WDR47: variants seen among roughly 807,000 people sequenced by gnomAD.
The protein encoded by WDR47 is WD repeat domain 47.
In WDR47, 32 loss-of-function variants were observed where a neutral mutation model predicts 97.2. The ratio of observed to expected loss-of-function variants is 0.33; its 90% confidence interval spans 0.25 to 0.44. The LOEUF (loss-of-function observed/expected upper bound fraction) is 0.44, where lower values mean the gene tolerates loss of function less well. Among genes scored for constraint, WDR47 ranks in the 20% least tolerant of loss-of-function variants. The pLI is 1.00. For missense variants in WDR47, 782 were observed against 1,102.3 expected, an observed-to-expected ratio of 0.71 and a Z score of 4.11; for synonymous variants, 375 against 373.5, an observed-to-expected ratio of 1.00 and a Z score of -0.05.
At chr1:109,011,811 C>T (rs1228177757) in intron 4 of WDR47, 93 bp from the exon 5 acceptor site, 3 of 1,149,996 alleles carry the variant, frequency 2.6e-6, no homozygotes, top group Non-Finnish European at 3.6e-6. Flanking sequence ...AATTATATTG[C>T]CACAGAATAC....
intron 13 of WDR47, among the ~76,000 whole-genome samples, chr1:108,979,044 T>C (rs993294295): frequency 6.6e-6 from 1 of 152,024 alleles, no homozygotes; most frequent in African/African-American, 2.4e-5. Flanking sequence ...TTCCATAAAA[T>C]GTTTGTATGT....
chr1:109,025,755 CA>C (rs1164845560), intron 1 of WDR47, among the ~76,000 whole-genome samples: 1 of 151,648 alleles, frequency 6.6e-6, no homozygotes, highest in African/African-American at 2.4e-5. Flanking sequence ...AAAAAACTAA[CA>C]AATAAAAAAA....
Position 108,975,971 on chromosome 1 carries a change from A to C in WDR47, c.2399-1217T>G, listed in dbSNP as rs533738210. ...AGGTAGATCAGTTTGGCTGGAGATA[A>C]AAGTTAACTTGAAAGGCAGCTTGAA... On this transcript the variant is annotated intron_variant, in intron 13 of 14. Coordinates refer to ENST00000369962, the MANE Select transcript of WDR47 (RefSeq NM_001142551.2). 2.9e-4 allele frequency among the ~76,000 whole-genome samples: 44 copies of C among 152,358 alleles called. 2 individuals carry two copies. The South Asian group carries it at 6.2e-3, about 21-fold the overall frequency.
intron 9 of WDR47, among the ~76,000 whole-genome samples, chr1:108,989,128 G>C (rs972624959): frequency 6.6e-6 from 1 of 152,176 alleles, no homozygotes; most frequent in Non-Finnish European, 1.5e-5. Context: ...AAGCAGTTCT[G>C]TATAAAAGCT....
At chr1:108,987,524 G>A (rs1397526308) in intron 9 of WDR47, among the ~76,000 whole-genome samples, 1 of 152,012 alleles carries the variant, frequency 6.6e-6, no homozygotes, top group Non-Finnish European at 1.5e-5. Context: ...CTGGAGTGCA[G>A]TGGCGTGATC....
At chr1:109,029,086 A>G (rs1571252660) in intron 1 of WDR47, among the ~76,000 whole-genome samples, 2 of 152,356 alleles carry the variant, frequency 1.3e-5, no homozygotes, top group East Asian at 1.9e-4. Context: ...TACAATTAAC[A>G]TACACTGAAA....
intron 10 of WDR47, among the ~76,000 whole-genome samples, chr1:108,986,056 G>A (rs1409783179): frequency 6.6e-6 from 1 of 151,028 alleles, no homozygotes; most frequent in Non-Finnish European, 1.5e-5. Flanking sequence ...AAAGTCTTAA[G>A]AGGTGTAAAA....
intron 1 of WDR47, among the ~76,000 whole-genome samples, chr1:109,028,895 C>A (rs934730720): frequency 2.0e-5 from 3 of 152,036 alleles, no homozygotes; most frequent in African/African-American, 4.8e-5. Flanking sequence ...TCCATCCTTG[C>A]CTTTCCTCTT....
intron 5 of WDR47, among the ~76,000 whole-genome samples, chr1:109,009,169 T>C (rs775689167): frequency 7.2e-5 from 11 of 152,232 alleles, no homozygotes; most frequent in African/African-American, 2.7e-4. Context: ...TGGCTCCAAC[T>C]ATCCTATGTA....
intron 5 of WDR47, among the ~76,000 whole-genome samples, chr1:109,008,763 A>T (rs915622396): frequency 3.3e-5 from 5 of 151,626 alleles, no homozygotes; most frequent in Non-Finnish European, 1.5e-5. Context: ...CCGTGCCACC[A>T]CACCCAACTA....
At chr1:109,028,609 G>A (rs947451814) in intron 1 of WDR47, among the ~76,000 whole-genome samples, 4 of 151,068 alleles carry the variant, frequency 2.6e-5, no homozygotes, top group Admixed American at 1.3e-4. Context: ...GTGCCAACAC[G>A]CCCAGCTAAT....
At chr1:109,012,767 T>C (rs1226061729) in intron 4 of WDR47, among the ~76,000 whole-genome samples, 2 of 152,132 alleles carry the variant, frequency 1.3e-5, no homozygotes, top group South Asian at 4.1e-4. Context: ...ATATCTTACA[T>C]ATGGGAAAAG....
chr1:109,004,078 C>T (rs1165288258), intron 6 of WDR47, among the ~76,000 whole-genome samples: 1 of 151,950 alleles, frequency 6.6e-6, no homozygotes, highest in Non-Finnish European at 1.5e-5. Flanking sequence ...TCCTGGCTAA[C>T]ATGGTGAAAT....
intron 1 of WDR47, among the ~76,000 whole-genome samples, chr1:109,029,612 C>T (rs1223768332): frequency 1.3e-5 from 2 of 151,546 alleles, no homozygotes; most frequent in African/African-American, 4.9e-5. Context: ...GCAGAGTTTG[C>T]AGTGAACCAA....
chr1:108,980,498 G>C (rs1658258749), intron 13 of WDR47, among the ~76,000 whole-genome samples: 1 of 152,116 alleles, frequency 6.6e-6, no homozygotes, highest in Non-Finnish European at 1.5e-5. Flanking sequence ...GGAGGTGGAG[G>C]CAGGTAGATC....
At chr1:109,012,701 G>A (rs1233133885) in intron 4 of WDR47, among the ~76,000 whole-genome samples, 1 of 151,850 alleles carries the variant, frequency 6.6e-6, no homozygotes, top group Non-Finnish European at 1.5e-5. Context: ...TATTGTCTTT[G>A]AATCATAAGC....
intron 7 of WDR47, among the ~76,000 whole-genome samples, chr1:108,996,720 G>C (rs1334778149): frequency 6.6e-6 from 1 of 152,162 alleles, no homozygotes; most frequent in African/African-American, 2.4e-5. Flanking sequence ...TTAGCCTCAG[G>C]GCCTTGCCCT....
intron 8 of WDR47, 101 bp from the exon 9 acceptor site, chr1:108,991,430 T>C: frequency 1.0e-6 from 1 of 1,002,158 alleles, no homozygotes. Context: ...TAGCAAACAA[T>C]CCTAGCTGAC....
intron 13 of WDR47, among the ~76,000 whole-genome samples, chr1:108,977,151 G>A (rs1657966003): frequency 6.6e-6 from 1 of 151,920 alleles, no homozygotes; most frequent in South Asian, 2.1e-4. Context: ...ATAGGTAACT[G>A]GGTTTTTTTC....
Sources: allele counts gnomAD v4.1 joint callset (sites outside exome capture counted in the v4.1 genomes callset), GRCh38; gene constraint gnomAD v4.1.1; transcripts MANE v1.5; gene names NCBI Gene and HGNC (gene_info 2026-07-23, HGNC 2026-07-21).